FSTL1: variants seen among roughly 807,000 people sequenced by gnomAD.
FSTL1 encodes follistatin-related protein 1.
Under a neutral mutation model 45.9 loss-of-function variants are expected in FSTL1, and 24 were observed. That is an observed-to-expected ratio of 0.52 (90% CI 0.38 to 0.74). FSTL1 has a LOEUF of 0.74. FSTL1 is among the 30% of genes least tolerant of loss of function. The pLI, the probability that FSTL1 is intolerant of heterozygous loss-of-function variation, is 0.00. For synonymous variants in FSTL1, 120 were observed against 137.6 expected, an observed-to-expected ratio of 0.87 and a Z score of 0.89; for missense variants, 340 against 381.8, an observed-to-expected ratio of 0.89 and a Z score of 0.91.
chr3:120,422,574 T>C (rs1937298729), intron 2 of FSTL1, among the ~76,000 whole-genome samples: 1 of 152,198 alleles, frequency 6.6e-6, no homozygotes, highest in South Asian at 2.1e-4. Context: ...CAGCCAACAG[T>C]GGCACTTCGG....
Position 120,392,698 on chromosome 3 carries a change from C to T in FSTL1, c.*4254G>A, listed in dbSNP as rs1332333851. 1.3e-5 allele frequency: 2 copies of T among 152,222 alleles called. No homozygotes were observed. Among genetic ancestry groups the T allele is most frequent in the African/African-American group, 4.8e-5 (2 of 41,446 alleles). 9.4% of individuals were successfully genotyped at this position (152,222 alleles called of 1,614,324 possible). On this transcript the variant is annotated 3_prime_UTR_variant, in exon 11 of 11. Transcript: ENST00000295633. The stretch of plus-strand genomic sequence containing the variant: ...GCAACATTTTACTTCCTATGTCACA[C>T]CATGCAACAGCCCCCAGCAGCAGTA...
chr3:120,427,921 C>T (rs931686666), intron 2 of FSTL1, among the ~76,000 whole-genome samples: 2 of 152,050 alleles, frequency 1.3e-5, no homozygotes, highest in Non-Finnish European at 2.9e-5. Context: ...TGCCTGATAC[C>T]TTGGGGGCCT....
At chr3:120,449,183 G>T (rs1937825848) in intron 2 of FSTL1, among the ~76,000 whole-genome samples, 1 of 152,216 alleles carries the variant, frequency 6.6e-6, no homozygotes, top group Non-Finnish European at 1.5e-5. Context: ...TCCTGCTTCA[G>T]AGCTAACTAG....
intron 7 of FSTL1, among the ~76,000 whole-genome samples, chr3:120,403,991 AAAAC>A (rs1364931836): frequency 4.0e-5 from 6 of 149,568 alleles, no homozygotes; most frequent in Admixed American, 1.3e-4. Flanking sequence ...AACAAAAAAC[AAAAC>A]AAACAAAAAA....
chr3:120,421,442 G>A (rs917352680), intron 2 of FSTL1: 1 of 152,304 alleles, frequency 6.6e-6, no homozygotes, highest in Non-Finnish European at 1.5e-5. Flanking sequence ...TGGAGCTGGG[G>A]ACAAAGGAAT....
chr3:120,404,046 C>A (rs1559734120), intron 7 of FSTL1, among the ~76,000 whole-genome samples: 1 of 151,190 alleles, frequency 6.6e-6, no homozygotes, highest in Non-Finnish European at 1.5e-5. Flanking sequence ...TGTATTTGAG[C>A]CCTGGCTCAA....
chr3:120,412,869 C>CAT (rs1937100035), intron 3 of FSTL1, among the ~76,000 whole-genome samples: 1 of 151,820 alleles, frequency 6.6e-6, no homozygotes, highest in African/African-American at 2.4e-5. Flanking sequence ...CACACACACA[C>CAT]ACACACTCCA....
chr3:120,450,808 TGCTC>T (rs1937881154), intron 1 of FSTL1, 62 bp from the exon 2 acceptor site: 1 of 1,267,686 alleles, frequency 7.9e-7, no homozygotes, highest in Non-Finnish European at 1.1e-6. Context: ...CTGGGAAACT[TGCTC>T]GGGTCCCGCA....
Position 120,403,619 on chromosome 3 carries a change from C to T in FSTL1, c.582-265G>A, listed in dbSNP as rs140050143. On this transcript the variant is annotated intron_variant, in intron 7 of 10. Transcript: ENST00000295633. ...CCCCCCCTTAAGATGACTAAAGTTTCGTGAATGGTTTTGTCTAATGTTTTC... is the reference window on the plus strand; with the variant it reads ...CCCCCCCTTAAGATGACTAAAGTTTTGTGAATGGTTTTGTCTAATGTTTTC... Among the ~76,000 whole-genome samples the T allele has an allele frequency of 1.5e-3, 234 of 152,228 alleles. 3 individuals are homozygous for T. Among genetic ancestry groups the T allele is most frequent in the African/African-American group, 5.4e-3 (226 of 41,524 alleles).
At chr3:120,449,097 C>A (rs1351583837) in intron 2 of FSTL1, among the ~76,000 whole-genome samples, 4 of 152,134 alleles carry the variant, frequency 2.6e-5, no homozygotes, top group African/African-American at 7.2e-5. Flanking sequence ...CAAATGCAAA[C>A]CCTGGAAAAC....
At chr3:120,403,461 A>G in intron 7 of FSTL1, 107 bp from the exon 8 acceptor site, 2 of 670,772 alleles carry the variant, frequency 3.0e-6, no homozygotes, top group South Asian at 3.6e-5. Context: ...CAGGAGGCCA[A>G]GAAGATGACT....
At chr3:120,416,646 C>T (rs1188003160) in intron 2 of FSTL1, among the ~76,000 whole-genome samples, 1 of 152,182 alleles carries the variant, frequency 6.6e-6, no homozygotes, top group South Asian at 2.1e-4. Flanking sequence ...TAGGCATTAT[C>T]ATCTCAAAGG....
intron 2 of FSTL1, among the ~76,000 whole-genome samples, chr3:120,437,164 T>C (rs996845960): frequency 2.0e-5 from 3 of 152,244 alleles, no homozygotes; most frequent in Non-Finnish European, 4.4e-5. Context: ...CATTTTCTTT[T>C]TCTCTGTCAC....
At chr3:120,437,800 A>T (rs1937586605) in intron 2 of FSTL1, among the ~76,000 whole-genome samples, 1 of 152,196 alleles carries the variant, frequency 6.6e-6, no homozygotes, top group South Asian at 2.1e-4. Flanking sequence ...GAGATTCGGG[A>T]ACTGGAGTAC....
rs148738601 is a variant in FSTL1 at position 120,431,598 on chromosome 3, C to T, written c.64-15571G>A. Among the ~76,000 whole-genome samples the T allele has an allele frequency of 9.2e-3, 1,395 of 151,474 alleles. 27 individuals carry two copies. Among genetic ancestry groups the T allele is most frequent in the African/African-American group, 0.031 (1,277 of 41,234 alleles). On this transcript the variant is annotated intron_variant, in intron 2 of 10. Coordinates refer to ENST00000295633, the MANE Select transcript of FSTL1 (RefSeq NM_007085.5). Reference sequence around the variant, plus strand: ...AGCACTTTGGGAGGCCAAGGCGAGACGATTCCTTGAGGCCAGGAGTTTGAG... The same window carrying T: ...AGCACTTTGGGAGGCCAAGGCGAGATGATTCCTTGAGGCCAGGAGTTTGAG...
chr3:120,427,215 C>T (rs1676892136), intron 2 of FSTL1, among the ~76,000 whole-genome samples: 1 of 152,216 alleles, frequency 6.6e-6, no homozygotes, highest in Admixed American at 6.5e-5. Context: ...CCACTCCATC[C>T]TCAGTGACCT....
intron 2 of FSTL1, among the ~76,000 whole-genome samples, chr3:120,442,255 G>A (rs186617244): frequency 2.5e-4 from 38 of 152,286 alleles, no homozygotes; most frequent in Non-Finnish European, 4.3e-4. Flanking sequence ...AAGTGACTTC[G>A]GGGAGGTTAA....
chr3:120,396,711 A>C lies in FSTL1; in HGVS notation c.*241T>G. ...TGATGCAGTTTCCTTACTAGCCTCC[A>C]GCCCCAGAGCACCATTTACAGTTTC... On this transcript the variant is annotated 3_prime_UTR_variant, in exon 11 of 11. Coordinates refer to ENST00000295633, the MANE Select transcript of FSTL1 (RefSeq NM_007085.5). 1 of 495,654 alleles carries C rather than the reference A, an allele frequency of 2.0e-6. No individual in the cohort carries two copies. The highest frequency in any genetic ancestry group is 3.6e-6 in the Non-Finnish European group (1 of 279,686). 30.7% of individuals were successfully genotyped at this position (495,654 alleles called of 1,614,324 possible). A position where few individuals can be genotyped will look rare whatever the true frequency, so the allele number is the denominator to read the frequency against.
chr3:120,406,051 C>G (rs1285506717), intron 6 of FSTL1, among the ~76,000 whole-genome samples: 1 of 152,038 alleles, frequency 6.6e-6, no homozygotes, highest in African/African-American at 2.4e-5. Flanking sequence ...GAAGATGTAG[C>G]TAACAACTCT....
Sources: allele counts gnomAD v4.1 joint callset (sites outside exome capture counted in the v4.1 genomes callset), GRCh38; gene constraint gnomAD v4.1.1; transcripts MANE v1.5; gene names NCBI Gene and HGNC (gene_info 2026-07-23, HGNC 2026-07-21).